Variants in PYHIN1 observed in about 807,000 individuals in gnomAD.
PYHIN1 encodes pyrin and HIN domain family member 1.
Under a neutral mutation model 43.7 loss-of-function variants are expected in PYHIN1, and 32 were observed. That is an observed-to-expected ratio of 0.73 (90% CI 0.55 to 0.98). The LOEUF (loss-of-function observed/expected upper bound fraction) is 0.98, where lower values mean the gene tolerates loss of function less well. Ranked by LOEUF, PYHIN1 falls within the 50% of genes least tolerant of loss-of-function variation. The pLI is 0.00. For synonymous variants in PYHIN1, 205 were observed against 203.1 expected, an observed-to-expected ratio of 1.01 and a Z score of -0.08; for missense variants, 588 against 589.5, an observed-to-expected ratio of 1.00 and a Z score of 0.03.
rs1289638954 is a variant in PYHIN1 at position 158,976,915 on chromosome 1, T to TATATATATAC, written c.*221_*222insTATATATACA. ...ATATATATATATATATATATATATA[T>TATATATATAC]ACCAGCTATTAATTCTAGGAAATGG... On this transcript the variant is annotated 3_prime_UTR_variant, in exon 9 of 9. Transcript: ENST00000368140. 7.9e-5 allele frequency: 17 copies of TATATATATAC among 215,006 alleles called. No individual in the cohort carries two copies. Among genetic ancestry groups the TATATATATAC allele is most frequent in the African/African-American group, 4.2e-4 (15 of 35,502 alleles). The allele number at this position is 215,006 out of a possible 1,614,324, so 13.3% of individuals were successfully genotyped here.
chr1:158,986,757 C>T, the PYHIN1 span, among the ~76,000 whole-genome samples: 1 of 152,160 alleles, frequency 6.6e-6, no homozygotes, highest in African/African-American at 2.4e-5. Context: ...GGATGGGCGT[C>T]CATGTCCATG....
intron 7 of PYHIN1, among the ~76,000 whole-genome samples, chr1:158,971,763 T>G (rs1302035179): frequency 2.0e-5 from 3 of 151,828 alleles, no homozygotes; most frequent in Non-Finnish European, 4.4e-5. Context: ...CAAAAATAAC[T>G]CCAGCAGAGG....
At chr1:158,988,905 A>G in the PYHIN1 span, among the ~76,000 whole-genome samples, 1 of 152,206 alleles carries the variant, frequency 6.6e-6, no homozygotes, top group Non-Finnish European at 1.5e-5. Flanking sequence ...ACCTCTTGCT[A>G]AAGAGCTCAG....
intron 7 of PYHIN1, among the ~76,000 whole-genome samples, chr1:158,966,514 C>G (rs193124076): frequency 5.7e-4 from 86 of 152,186 alleles, no homozygotes; most frequent in African/African-American, 2.4e-5. Flanking sequence ...CTTCAAAAAG[C>G]TAGTCCAACA....
At chr1:158,955,249 G>T (rs1046812479) in intron 7 of PYHIN1, among the ~76,000 whole-genome samples, 4 of 151,990 alleles carry the variant, frequency 2.6e-5, no homozygotes, top group African/African-American at 9.7e-5. Flanking sequence ...GCACCAACCG[G>T]ACCTAACAGA....
chr1:158,965,971 T>C (rs1422442667), intron 7 of PYHIN1, among the ~76,000 whole-genome samples: 2 of 151,102 alleles, frequency 1.3e-5, no homozygotes, highest in African/African-American at 2.4e-5. Context: ...AAAAAATTAA[T>C]AAGAAAGATT....
intron 8 of PYHIN1, among the ~76,000 whole-genome samples, chr1:158,974,688 G>A (rs1044694473): frequency 1.3e-5 from 2 of 151,946 alleles, no homozygotes; most frequent in Non-Finnish European, 2.9e-5. Context: ...TTCTCAATTT[G>A]TGGTCGTTTT....
At chr1:158,948,181 A>G (rs1649329021) in intron 7 of PYHIN1, among the ~76,000 whole-genome samples, 1 of 152,252 alleles carries the variant, frequency 6.6e-6, no homozygotes, top group Non-Finnish European at 1.5e-5. Flanking sequence ...TTAGCAAATA[A>G]CATAAGATAA....
rs1648609902 is a variant in PYHIN1, at chr1:158,937,158, A to G, written c.248A>G (p.Lys83Arg). The G allele has an allele frequency of 2.5e-6, 4 of 1,590,706 alleles. No homozygotes were observed. ...CTGGGAGACCTTGCTGAAACTCTTAAAAGAGAAAAGTTAAAAGGTAATTGG... is the reference window on the plus strand; with the variant it reads ...CTGGGAGACCTTGCTGAAACTCTTAGAAGAGAAAAGTTAAAAGGTAATTGG... ...PTLGDLAETL[K>R]REKLKVANKI... Residue 83 changes from lysine to arginine, a missense_variant, in exon 2 of 9, where the codon AAA becomes AGA. Coordinates refer to ENST00000368140, the MANE Select transcript of PYHIN1 (RefSeq NM_152501.5).
intron 4 of PYHIN1, chr1:158,940,273 G>A (rs184928435): frequency 1.4e-5 from 2 of 145,358 alleles, no homozygotes; most frequent in East Asian, 4.0e-4. Flanking sequence ...CATATTCTAA[G>A]ATATGAACCA....
chr1:158,954,651 C>T (rs1239703268), intron 7 of PYHIN1, among the ~76,000 whole-genome samples: 2 of 147,344 alleles, frequency 1.4e-5, no homozygotes, highest in Non-Finnish European at 3.0e-5. Context: ...AAAATCATGC[C>T]AAAATGTAAA....
rs970464020 is a variant in PYHIN1 at position 158,966,441 on chromosome 1, A to G, written c.1360-7206A>G. Among the ~76,000 whole-genome samples the G allele has an allele frequency of 2.0e-5, 3 of 152,170 alleles. No homozygotes were observed. The Middle Eastern group carries it at 9.5e-3, about 482-fold the overall frequency. On this transcript the variant is annotated intron_variant, in intron 7 of 8. Transcript: ENST00000368140. ...CAAAAAAAGAAAACTTCAGGTGGTT[A>G]TTCTTGATGAACATACATGCAAAAA...
intron 7 of PYHIN1, among the ~76,000 whole-genome samples, chr1:158,953,447 AC>A (rs1242691121): frequency 2.7e-5 from 4 of 150,040 alleles, no homozygotes; most frequent in Non-Finnish European, 5.9e-5. Flanking sequence ...CTGACCCCTG[AC>A]CCCCGAGCAG....
chr1:158,968,142 A>G (rs1171904559), intron 7 of PYHIN1, among the ~76,000 whole-genome samples: 1 of 151,962 alleles, frequency 6.6e-6, no homozygotes, highest in Non-Finnish European at 1.5e-5. Flanking sequence ...GAAATTACCA[A>G]CAAAGTAATC....
At chr1:158,968,547 AG>A (rs1650761378) in intron 7 of PYHIN1, among the ~76,000 whole-genome samples, 1 of 152,104 alleles carries the variant, frequency 6.6e-6, no homozygotes, top group African/African-American at 2.4e-5. Flanking sequence ...AATTCCTCAA[AG>A]AACTTAGAAC....
chr1:158,978,869 C>T (rs1651391400), downstream of PYHIN1, among the ~76,000 whole-genome samples: 1 of 152,128 alleles, frequency 6.6e-6, no homozygotes, highest in African/African-American at 2.4e-5. Context: ...CATCAGAGCT[C>T]CTACTTGGGA....
intron 7 of PYHIN1, among the ~76,000 whole-genome samples, chr1:158,960,449 A>G (rs1212674007): frequency 6.6e-6 from 1 of 152,258 alleles, no homozygotes; most frequent in African/African-American, 2.4e-5. Context: ...GAACATCTGT[A>G]GAGCACAGCA....
At chr1:158,963,784 A>C (rs1184923971) in intron 7 of PYHIN1, among the ~76,000 whole-genome samples, 4 of 152,350 alleles carry the variant, frequency 2.6e-5, no homozygotes, top group Non-Finnish European at 5.9e-5. Flanking sequence ...CTAACTACTC[A>C]AAAGAAACAG....
chr1:158,942,045 C>T lies in PYHIN1; in HGVS notation c.648C>T (p.Ile216=), dbSNP rs138017536. 190 of 1,612,734 alleles carry T rather than the reference C, an allele frequency of 1.2e-4. 1 individual carries two copies. The African/African-American group carries it at 2.2e-3, about 19-fold the overall frequency. ...ATATTTTCCGAGAAGACCCAATAAT[C>T]GCGATGGTACTAAATGCAACAAAAG... is the stretch of plus-strand genomic sequence containing the variant. ...SKNIFREDPI[I]AMVLNATKVF... The change falls in exon 5 of 9, where the codon ATC becomes ATT. Residue 216 remains isoleucine (I), a synonymous_variant. Transcript: ENST00000368140.
Sources: allele counts gnomAD v4.1 joint callset (sites outside exome capture counted in the v4.1 genomes callset), GRCh38; gene constraint gnomAD v4.1.1; transcripts MANE v1.5; gene names NCBI Gene and HGNC (gene_info 2026-07-23, HGNC 2026-07-21).